Variants in TRIML1 observed in about 807,000 individuals in gnomAD.
TRIML1 encodes probable E3 ubiquitin-protein ligase TRIML1.
TRIML1 carries 34 observed loss-of-function variants against 32.3 expected under a neutral mutation model. The observed-to-expected ratio is 1.05, with a 90% CI of 0.80 to 1.40. TRIML1 has a LOEUF of 1.40. Ranked by LOEUF, TRIML1 falls within the 40% of genes most tolerant of loss-of-function variation. The pLI, the probability that TRIML1 is intolerant of heterozygous loss-of-function variation, is 0.00. For synonymous variants in TRIML1, 244 were observed against 226.6 expected, an observed-to-expected ratio of 1.08 and a Z score of -0.69; for missense variants, 595 against 574.9, an observed-to-expected ratio of 1.03 and a Z score of -0.36.
chr4:188,147,505 A>C lies in TRIML1; in HGVS notation c.*133A>C. The C allele has an allele frequency of 4.5e-6, 3 of 669,572 alleles. No homozygotes were observed. The highest frequency in any genetic ancestry group is 6.5e-6 in the Non-Finnish European group (3 of 460,146). The allele number at this position is 669,572 out of a possible 1,614,324, so 41.5% of individuals were successfully genotyped here. On this transcript the variant is annotated 3_prime_UTR_variant, in exon 6 of 6. Coordinates refer to ENST00000332517, the MANE Select transcript of TRIML1 (RefSeq NM_178556.5). Reference sequence around the variant, plus strand: ...CCCGTAACCCCACCCCACCCCCAAGAGTTTCCATTAACTTGATCCCATTAT... The same window carrying C: ...CCCGTAACCCCACCCCACCCCCAAGCGTTTCCATTAACTTGATCCCATTAT...
chr4:188,147,007 G>A lies in TRIML1; in HGVS notation c.1042G>A (p.Gly348Arg). 1 of 1,596,014 alleles carries A rather than the reference G, an allele frequency of 6.3e-7. No individual in the cohort carries two copies. The highest frequency in any genetic ancestry group is 8.5e-7 in the Non-Finnish European group (1 of 1,170,338). Residue 348 changes from glycine to arginine, a missense_variant, in exon 6 of 6, where the codon GGA becomes AGA. Gly to Arg is a moderately radical substitution (Grantham distance 125). Coordinates refer to ENST00000332517, the MANE Select transcript of TRIML1 (RefSeq NM_178556.5). Reference protein sequence around the residue: ...SGRHYWEVEVGNKTEWEVGIC... With the variant: ...SGRHYWEVEVRNKTEWEVGIC... ...GAGACACTACTGGGAGGTGGAGGTGGGAAACAAGACCGAGTGGGAAGTGGG... is the reference window on the plus strand; with the variant it reads ...GAGACACTACTGGGAGGTGGAGGTGAGAAACAAGACCGAGTGGGAAGTGGG...
At chr4:188,144,570 G>A (rs1285073196) in intron 5 of TRIML1, among the ~76,000 whole-genome samples, 1 of 147,928 alleles carries the variant, frequency 6.8e-6, no homozygotes, top group Non-Finnish European at 1.5e-5. Context: ...CACTGTGTTA[G>A]CCAGGATGGT....
chr4:188,139,973 C>T lies in TRIML1; in HGVS notation c.408+7C>T, dbSNP rs775637313. On this transcript the variant is annotated splice_region_variant and intron_variant, in intron 1 of 5. Transcript: ENST00000332517. ...GGCTGAGGAGCATCACAGAGTAAGA[C>T]AGCTGCTCAGCATGAACCCCACGAC... 3.1e-6 allele frequency: 5 copies of T among 1,591,898 alleles called. No homozygotes were observed. The highest frequency in any genetic ancestry group is 4.3e-6 in the Non-Finnish European group (5 of 1,166,922).
At chr4:188,137,475 C>CTT (rs70938701), upstream of TRIML1, among the ~76,000 whole-genome samples, 1 of 101,482 alleles carries the variant, frequency 9.9e-6, no homozygotes, top group Non-Finnish European at 2.0e-5. Flanking sequence ...GCTATTTTTA[C>CTT]TTTTTTTTTT....
intron 5 of TRIML1, 81 bp downstream of exon 5, chr4:188,144,214 G>C: frequency 8.2e-7 from 1 of 1,219,984 alleles, no homozygotes; most frequent in East Asian, 2.5e-5. Context: ...AGACATTCAC[G>C]ATCTGACACG....
chr4:188,140,049 T>C, intron 1 of TRIML1, 83 bp downstream of exon 1: 2 of 1,429,258 alleles, frequency 1.4e-6, no homozygotes, highest in South Asian at 2.8e-5. Context: ...ACGTCCTCTG[T>C]GGGGGACAGT....
downstream of TRIML1, among the ~76,000 whole-genome samples, chr4:188,149,221 G>C (rs1735189263): frequency 6.6e-6 from 1 of 151,910 alleles, no homozygotes; most frequent in East Asian, 1.9e-4. Context: ...GCCTGGCCCA[G>C]CCTTTGTTTT....
In TRIML1 at chr4:188,147,029, T is replaced by C. The variant is rs778044986; in HGVS notation, c.1064T>C (p.Val355Ala). ...GTGGGAAACAAGACCGAGTGGGAAG[T>C]GGGCATCTGCAAGGACTCTGTGAGC... The part of the protein sequence containing the change: ...VEVGNKTEWE[V>A]GICKDSVSRK... The change falls in exon 6 of 6, where the codon GTG (valine) becomes GCG (alanine). Residue 355 changes from valine (V) to alanine (A), a missense_variant. Val to Ala is a moderately conservative substitution (Grantham distance 64). Transcript: ENST00000332517. 2.5e-6 allele frequency: 4 copies of C among 1,607,344 alleles called. No individual in the cohort carries two copies. The highest frequency in any genetic ancestry group is 3.4e-6 in the Non-Finnish European group (4 of 1,176,390).
chr4:188,138,865 A>G (rs28464841), upstream of TRIML1, among the ~76,000 whole-genome samples: 5,255 of 152,158 alleles, frequency 0.035, 297 homozygotes, highest in African/African-American at 0.12. Context: ...GGGAAGATCA[A>G]TAAACAGCTC....
intron 3 of TRIML1, chr4:188,143,592 G>A: frequency 1.9e-6 from 1 of 535,766 alleles, no homozygotes; most frequent in Middle Eastern, 4.3e-4. Flanking sequence ...CCCTGGACAA[G>A]GTGATGATAC....
chr4:188,141,313 G>A (rs188981812), intron 2 of TRIML1, among the ~76,000 whole-genome samples: 15 of 151,860 alleles, frequency 9.9e-5, no homozygotes, highest in African/African-American at 2.7e-4. Flanking sequence ...GATTACAGAC[G>A]TGTGCCACCA....
downstream of TRIML1, among the ~76,000 whole-genome samples, chr4:188,148,602 G>T (rs1332665449): frequency 6.6e-6 from 1 of 151,910 alleles, no homozygotes; most frequent in Admixed American, 6.6e-5. Context: ...ATCCCTGCAG[G>T]TGTTTGTTTG....
chr4:188,146,747 TC>T (rs1735095467), intron 5 of TRIML1, 74 bp from the exon 6 acceptor site: 2 of 1,170,872 alleles, frequency 1.7e-6, no homozygotes. Context: ...TACTAAGAAT[TC>T]AATGGAAATC....
chr4:188,147,537 C>G lies in TRIML1; in HGVS notation c.*165C>G, dbSNP rs1735135936. 2.2e-6 allele frequency: 1 copy of G among 459,284 alleles called. No homozygotes were observed. Among genetic ancestry groups the G allele is most frequent in the African/African-American group, 2.0e-5 (1 of 50,108 alleles). 28.5% of individuals were successfully genotyped at this position (459,284 alleles called of 1,614,324 possible). A position where few individuals can be genotyped will look rare whatever the true frequency, so the allele number is the denominator to read the frequency against. ...ATTAACTTGATCCCATTATGAACAG[C>G]CACATTACACAATCAACTTCAACCC... On this transcript the variant is annotated 3_prime_UTR_variant, in exon 6 of 6. Coordinates refer to ENST00000332517, the MANE Select transcript of TRIML1 (RefSeq NM_178556.5).
At position 188,143,823 on chromosome 4, in the gene TRIML1, C is replaced by CT. The variant is rs532112229; in HGVS notation, c.736-9dup. 5.3e-5 allele frequency: 86 copies of CT among 1,614,026 alleles called. No homozygotes were observed. In the South Asian group the frequency reaches 8.9e-4, roughly 17 times the overall value. On this transcript the variant is annotated splice_polypyrimidine_tract_variant and intron_variant, in intron 3 of 5. Coordinates refer to ENST00000332517, the MANE Select transcript of TRIML1 (RefSeq NM_178556.5). The stretch of plus-strand genomic sequence containing the variant: ...CAAAGCGCACCATGCTAACTTCTTT[C>CT]TTTTTTACCCGTAGGAAGTGAGAGG...
intron 2 of TRIML1, among the ~76,000 whole-genome samples, chr4:188,141,213 G>A (rs1291353066): frequency 7.0e-6 from 1 of 142,926 alleles, no homozygotes. Context: ...TGTCGCCCAG[G>A]CTGGAGTGCA....
At chr4:188,150,609 C>T (rs1204380789), downstream of TRIML1, among the ~76,000 whole-genome samples, 1 of 152,030 alleles carries the variant, frequency 6.6e-6, no homozygotes, top group Non-Finnish European at 1.5e-5. Context: ...GGCATTACAT[C>T]TCATTGTAGC....
At chr4:188,143,945 G>T in intron 4 of TRIML1, 85 bp downstream of exon 4, 1 of 1,607,420 alleles carries the variant, frequency 6.2e-7, no homozygotes, top group South Asian at 1.1e-5. Context: ...GGAGGTCTGC[G>T]CTGTTGCTGG....
At chr4:188,148,076 A>G (rs766129141), downstream of TRIML1, among the ~76,000 whole-genome samples, 2 of 152,200 alleles carry the variant, frequency 1.3e-5, no homozygotes, top group Middle Eastern at 3.2e-3. Flanking sequence ...GTATCATGAC[A>G]CGGGATGCCA....
Sources: gnomAD v4.1 joint callset for allele counts (sites outside exome capture counted in the v4.1 genomes callset) on GRCh38, gnomAD v4.1.1 for gene constraint, MANE v1.5 for transcripts, NCBI Gene and HGNC (gene_info 2026-07-23, HGNC 2026-07-21) for gene names.